The following BCO1 variants were observed in gnomAD, a reference collection of about 807,000 sequenced individuals.
BCO1 encodes beta,beta-carotene 15,15'-dioxygenase.
Under a neutral mutation model 56.3 loss-of-function variants are expected in BCO1, and 54 were observed. The ratio of observed to expected loss-of-function variants is 0.96; its 90% CI spans 0.77 to 1.20. The LOEUF is 1.20. Ranked by LOEUF, BCO1 falls within the 50% of genes most tolerant of loss-of-function variation. The pLI is 0.00. For synonymous variants in BCO1, 318 were observed against 266.1 expected (o/e 1.20, Z -1.90); for missense variants, 801 against 690.9 (o/e 1.16, Z -1.79).
chr16:81,271,043 T>C (rs1907180366), intron 7 of BCO1, among the ~76,000 whole-genome samples: 1 of 150,996 alleles, frequency 6.6e-6, no homozygotes, highest in Admixed American at 6.6e-5. Context: ...TGCACCTGGC[T>C]GTCTTACATA....
chr16:81,262,182 T>C lies in BCO1; in HGVS notation c.370T>C (p.Cys124Arg). The change falls in exon 4 of 11, where the codon TGC becomes CGC. Residue 124 changes from cysteine (C) to arginine (R), a missense_variant. Physicochemically the swap from Cys to Arg is radical, Grantham distance 180. Coordinates refer to ENST00000258168, the MANE Select transcript of BCO1 (RefSeq NM_017429.3). ...SHTIPDFTDNCLINIMKCGED... is the reference protein window; with the variant it reads ...SHTIPDFTDNRLINIMKCGED... ...CACCATCCCCGATTTCACCGACAAC[T>C]GCCTGATCAACATCATGAAGTGCGG... 6.2e-7 allele frequency: 1 copy of C among 1,613,998 alleles called. No individual in the cohort carries two copies. Among genetic ancestry groups the C allele is most frequent in the Non-Finnish European group, 8.5e-7 (1 of 1,179,934 alleles).
intron 5 of BCO1, among the ~76,000 whole-genome samples, chr16:81,266,874 TA>T (rs1366204041): frequency 6.6e-6 from 1 of 152,200 alleles, no homozygotes; most frequent in Non-Finnish European, 1.5e-5. Context: ...ATTTGTTTTA[TA>T]AAGACGATAA....
At chr16:81,251,556 T>C (rs530005606) in intron 2 of BCO1, among the ~76,000 whole-genome samples, 82 of 151,628 alleles carry the variant, frequency 5.4e-4, no homozygotes, top group African/African-American at 1.8e-3. Flanking sequence ...TGAGACTTCA[T>C]CTAAAAAAAA....
Position 81,272,882 on chromosome 16 carries a change from G to A in BCO1, c.1101+2466G>A, listed in dbSNP as rs117466927. Reference sequence around the variant, plus strand: ...TTACAGATGAACAAACTGAGGCTCAGAGAAGTTAAGAAATGTGGGCAAGGT... The same window carrying A: ...TTACAGATGAACAAACTGAGGCTCAAAGAAGTTAAGAAATGTGGGCAAGGT... On this transcript the variant is annotated intron_variant, in intron 7 of 10. Coordinates refer to ENST00000258168, the MANE Select transcript of BCO1 (RefSeq NM_017429.3). 2.0e-4 allele frequency among the ~76,000 whole-genome samples: 30 copies of A among 152,318 alleles called. No homozygotes were observed. The East Asian group carries it at 5.8e-3, about 29-fold the overall frequency.
At chr16:81,250,734 C>T (rs1005401582) in intron 2 of BCO1, among the ~76,000 whole-genome samples, 8 of 152,058 alleles carry the variant, frequency 5.3e-5, no homozygotes, top group Admixed American at 5.2e-4. Flanking sequence ...GCATGAGCCA[C>T]CATGCCCAGC....
chr16:81,257,260 G>A (rs542166251), intron 2 of BCO1, among the ~76,000 whole-genome samples: 18 of 151,974 alleles, frequency 1.2e-4, no homozygotes, highest in Non-Finnish European at 2.1e-4. Flanking sequence ...TTGTTGTTGC[G>A]TTTTTTTGTT....
intron 3 of BCO1, 113 bp from the exon 4 acceptor site, chr16:81,262,023 C>T: frequency 7.5e-7 from 1 of 1,337,568 alleles, no homozygotes; most frequent in African/African-American, 1.4e-5. Context: ...ATTACAGGCA[C>T]CCGGCCGAAG....
rs74972948 is a variant in BCO1, at chr16:81,252,139, C to G, written c.193+6536C>G. Among the ~76,000 whole-genome samples the G allele has an allele frequency of 2.0e-5, 3 of 152,192 alleles. No individual in the cohort carries two copies. In the East Asian group the frequency reaches 5.8e-4, roughly 29 times the overall value. On this transcript the variant is annotated intron_variant, in intron 2 of 10. Coordinates refer to ENST00000258168, the MANE Select transcript of BCO1 (RefSeq NM_017429.3). ...CTGTGGTCACCAGGCACTCCATGCT[C>G]TGGGGCTGGATGTTTATAGGAAATG...
rs373220091 is a variant in BCO1 at position 81,259,645 on chromosome 16, G to C, written c.194-31G>C. On this transcript the variant is annotated intron_variant, in intron 2 of 10. Coordinates refer to ENST00000258168, the MANE Select transcript of BCO1 (RefSeq NM_017429.3). ...ATTTTAAAGCCCTGTGAAGGCGTCA[G>C]CCTGAGATTATGCTGGTTCTTCTCT... 6.8e-6 allele frequency: 11 copies of C among 1,614,166 alleles called. No homozygotes were observed. The East Asian group carries it at 2.5e-4, about 36-fold the overall frequency.
intron 5 of BCO1, among the ~76,000 whole-genome samples, chr16:81,265,051 A>ACCAT (rs991927464): frequency 6.6e-6 from 1 of 151,974 alleles, no homozygotes; most frequent in Non-Finnish European, 1.5e-5. Flanking sequence ...CTACCCATCT[A>ACCAT]CCATCCATCC....
intron 10 of BCO1, among the ~76,000 whole-genome samples, chr16:81,289,684 G>T (rs770050094): frequency 6.6e-6 from 1 of 152,068 alleles, no homozygotes; most frequent in South Asian, 2.1e-4. Flanking sequence ...ACCACTCTTC[G>T]ATGCCTGCAA....
chr16:81,256,035 T>G (rs1269828137), intron 2 of BCO1, among the ~76,000 whole-genome samples: 1 of 151,896 alleles, frequency 6.6e-6, no homozygotes, highest in African/African-American at 2.4e-5. Flanking sequence ...AGGCTGGTCT[T>G]GAACTCCTGA....
chr16:81,248,578 C>A (rs1905576172), intron 2 of BCO1, among the ~76,000 whole-genome samples: 1 of 152,152 alleles, frequency 6.6e-6, no homozygotes, highest in Admixed American at 6.6e-5. Context: ...GCAGATTTTA[C>A]TGTGACTCAG....
At position 81,290,336 on chromosome 16, in the gene BCO1, G is replaced by A; in HGVS notation, c.1415-12G>A. ...CACTTTTACGAAGTGTTTTTTTTCTGTTTCCCTAAAGGAGTAATCTTATCA... is the reference window on the plus strand; with the variant it reads ...CACTTTTACGAAGTGTTTTTTTTCTATTTCCCTAAAGGAGTAATCTTATCA... On this transcript the variant is annotated splice_polypyrimidine_tract_variant and intron_variant, in intron 10 of 10. Transcript: ENST00000258168. The A allele has an allele frequency of 6.2e-7, 1 of 1,606,466 alleles. No individual in the cohort carries two copies. Among genetic ancestry groups the A allele is most frequent in the Non-Finnish European group, 8.5e-7 (1 of 1,173,244 alleles).
chr16:81,241,739 C>T (rs895902823), intron 1 of BCO1, among the ~76,000 whole-genome samples: 7 of 152,192 alleles, frequency 4.6e-5, no homozygotes, highest in Non-Finnish European at 1.0e-4. Flanking sequence ...GAACAGGCCT[C>T]CTGACTCTCC....
rs1414496200 is a variant in BCO1 at position 81,270,319 on chromosome 16, T to C, written c.1004T>C (p.Phe335Ser). Residue 335 changes from phenylalanine to serine, a missense_variant, in exon 7 of 11, where the codon TTC becomes TCC. By Grantham distance (155) the Phe-to-Ser change is radical. Transcript: ENST00000258168. ...GAGGACAACAGCCTCTACCAGCTCT[T>C]CTACCTGGCCAACCTGAACCAGGAC... ...AYEDNSLYQL[F>S]YLANLNQDFK... The C allele has an allele frequency of 5.6e-6, 9 of 1,613,982 alleles. No individual in the cohort carries two copies. Among genetic ancestry groups the C allele is most frequent in the Non-Finnish European group, 7.6e-6 (9 of 1,180,028 alleles).
At chr16:81,290,187 G>C (rs1365490819) in intron 10 of BCO1, among the ~76,000 whole-genome samples, 161 bp from the exon 11 acceptor site, 1 of 152,160 alleles carries the variant, frequency 6.6e-6, no homozygotes, top group African/African-American at 2.4e-5. Flanking sequence ...CTGATGCCTA[G>C]TTGCCAGGCC....
intron 7 of BCO1, among the ~76,000 whole-genome samples, chr16:81,275,539 C>G (rs1907505201): frequency 6.6e-6 from 1 of 152,248 alleles, no homozygotes; most frequent in Admixed American, 6.5e-5. Flanking sequence ...TTCCCTCTTC[C>G]TGTTCAAGCC....
chr16:81,258,350 C>T (rs900712499), intron 2 of BCO1, among the ~76,000 whole-genome samples: 1 of 152,006 alleles, frequency 6.6e-6, no homozygotes, highest in Non-Finnish European at 1.5e-5. Flanking sequence ...GAGTTAGACT[C>T]TCTGCAGAAT....
Sources: allele counts gnomAD v4.1 joint callset (sites outside exome capture counted in the v4.1 genomes callset), GRCh38; gene constraint gnomAD v4.1.1; transcripts MANE v1.5; gene names NCBI Gene and HGNC (gene_info 2026-07-23, HGNC 2026-07-21).